The following ZNF215 variants were observed in gnomAD, a reference collection of about 807,000 sequenced individuals.
The protein encoded by ZNF215 is zinc finger protein 215, also known as BWSCR2-associated zinc finger protein 2.
In ZNF215, 24 loss-of-function variants were observed where a neutral mutation model predicts 27.2. The ratio of observed to expected loss-of-function variants is 0.88; its 90% confidence interval spans 0.64 to 1.24. The LOEUF (loss-of-function observed/expected upper bound fraction) is 1.24, where lower values mean the gene tolerates loss of function less well. Ranked by LOEUF, ZNF215 falls within the 50% of genes most tolerant of loss-of-function variation. ZNF215 has a pLI of 0.00. For missense variants in ZNF215, 675 were observed against 605.7 expected (o/e 1.11, Z -1.20); for synonymous variants, 210 against 204.0 (o/e 1.03, Z -0.25).
intron 3 of ZNF215, among the ~76,000 whole-genome samples, chr11:6,940,825 AT>A (rs1286431117): frequency 6.6e-6 from 1 of 152,216 alleles, no homozygotes; most frequent in African/African-American, 2.4e-5. Context: ...AATAATTAAC[AT>A]ATTAGAAGAC....
At position 6,956,677 on chromosome 11, in the gene ZNF215, G is replaced by C. The variant is rs1287974520; in HGVS notation, c.*146G>C. ...AAATGATATCACAGAATTAATGTTG[G>C]ATAGAAATATCATTGGATAGAAATC... On this transcript the variant is annotated 3_prime_UTR_variant, in exon 7 of 7. Coordinates refer to ENST00000278319, the MANE Select transcript of ZNF215 (RefSeq NM_013250.4). 7.9e-6 allele frequency: 11 copies of C among 1,392,666 alleles called. No individual in the cohort carries two copies. The highest frequency in any genetic ancestry group is 1.0e-5 in the Non-Finnish European group (11 of 1,081,902). The allele number at this position is 1,392,666 out of a possible 1,614,324, so 86.3% of individuals were successfully genotyped here.
chr11:6,961,145 G>A (rs1225935057), downstream of ZNF215, among the ~76,000 whole-genome samples: 5 of 152,040 alleles, frequency 3.3e-5, no homozygotes, highest in South Asian at 2.1e-4. Flanking sequence ...TTGGTCCATC[G>A]TAGAATTTGC....
chr11:6,927,936 T>C (rs768251098), intron 2 of ZNF215, 129 bp downstream of exon 2: 15 of 152,264 alleles, frequency 9.9e-5, no homozygotes, highest in Non-Finnish European at 2.2e-4. Flanking sequence ...GGCTTTTCCA[T>C]TGCCTATCAG....
chr11:6,954,158 G>T (rs1850214360), intron 6 of ZNF215, among the ~76,000 whole-genome samples: 1 of 151,934 alleles, frequency 6.6e-6, no homozygotes, highest in African/African-American at 2.4e-5. Context: ...GGGAGTGCCT[G>T]CCAGTTAGGC....
At chr11:6,940,255 A>C (rs1024130567) in intron 3 of ZNF215, among the ~76,000 whole-genome samples, 1 of 151,712 alleles carries the variant, frequency 6.6e-6, no homozygotes, top group Non-Finnish European at 1.5e-5. Context: ...AAAAGTTAAC[A>C]GACCATAATA....
At chr11:6,936,097 T>C (rs979768853) in intron 3 of ZNF215, among the ~76,000 whole-genome samples, 2 of 151,818 alleles carry the variant, frequency 1.3e-5, no homozygotes, top group African/African-American at 4.8e-5. Flanking sequence ...ACCCTCCACC[T>C]GAAGGAACTA....
intron 3 of ZNF215, among the ~76,000 whole-genome samples, chr11:6,933,015 T>C (rs1013269674): frequency 6.6e-6 from 1 of 152,230 alleles, no homozygotes; most frequent in Non-Finnish European, 1.5e-5. Context: ...ATGATTGCTT[T>C]TGTGCTATGA....
chr11:6,943,725 T>G, intron 6 of ZNF215, 84 bp downstream of exon 6: 2 of 1,100,722 alleles, frequency 1.8e-6, no homozygotes, highest in Non-Finnish European at 2.7e-6. Flanking sequence ...ATCTTTGAAT[T>G]GTTAGTTGGG....
intron 5 of ZNF215, among the ~76,000 whole-genome samples, chr11:6,977,721 G>A (rs1357289219): frequency 2.0e-5 from 3 of 151,920 alleles, no homozygotes; most frequent in African/African-American, 7.3e-5. Context: ...TTCCACAATT[G>A]TGAGGAAATA....
chr11:6,979,191 C>A (rs1487450014), intron 5 of ZNF215, among the ~76,000 whole-genome samples: 1 of 152,040 alleles, frequency 6.6e-6, no homozygotes, highest in African/African-American at 2.4e-5. Context: ...CTTTGTCCAA[C>A]TCTATGATAC....
At chr11:6,950,549 A>G (rs1236446176) in intron 6 of ZNF215, among the ~76,000 whole-genome samples, 1 of 151,460 alleles carries the variant, frequency 6.6e-6, no homozygotes. Context: ...TTATTGGTGT[A>G]TAAGAATGCT....
chr11:6,972,036 CAG>C (rs1057451902), intron 5 of ZNF215, among the ~76,000 whole-genome samples: 47 of 152,186 alleles, frequency 3.1e-4, no homozygotes, highest in Non-Finnish European at 6.0e-4. Context: ...CTGTACTACT[CAG>C]AGATGTGTTT....
intron 5 of ZNF215, among the ~76,000 whole-genome samples, chr11:6,977,317 T>A (rs1444081141): frequency 6.6e-6 from 1 of 152,168 alleles, no homozygotes; most frequent in East Asian, 1.9e-4. Flanking sequence ...ATGTGAATGA[T>A]CCCTTTGTCC....
chr11:6,926,711 G>C (rs1849054091), intron 1 of ZNF215, 26 bp downstream of exon 1: 1 of 152,338 alleles, frequency 6.6e-6, no homozygotes, highest in Non-Finnish European at 1.5e-5. Context: ...GGCCACTGGA[G>C]AGGAGCGGTG....
At chr11:6,949,754 A>G (rs893269220) in intron 6 of ZNF215, among the ~76,000 whole-genome samples, 10 of 152,186 alleles carry the variant, frequency 6.6e-5, no homozygotes, top group African/African-American at 2.4e-4. Flanking sequence ...CCATTTGTCA[A>G]TTTTGGCTTT....
intron 5 of ZNF215, among the ~76,000 whole-genome samples, chr11:6,975,295 C>T (rs1040992151): frequency 2.6e-5 from 4 of 151,832 alleles, no homozygotes; most frequent in African/African-American, 9.7e-5. Context: ...TTATGGGGTA[C>T]ATGAGATATT....
At chr11:6,934,251 T>C (rs185008684) in intron 3 of ZNF215, among the ~76,000 whole-genome samples, 251 of 152,296 alleles carry the variant, frequency 1.6e-3, no homozygotes, top group Admixed American at 3.1e-3. Flanking sequence ...TGTTCAACAA[T>C]GGTATAACAA....
intron 6 of ZNF215, among the ~76,000 whole-genome samples, chr11:6,952,663 A>C (rs367752248): frequency 2.9e-4 from 44 of 152,030 alleles, no homozygotes; most frequent in African/African-American, 1.0e-3. Flanking sequence ...AATACAGCAC[A>C]CTGATGGGTC....
chr11:6,951,708 A>T (rs1850077571), intron 6 of ZNF215, among the ~76,000 whole-genome samples: 2 of 151,948 alleles, frequency 1.3e-5, no homozygotes, highest in Admixed American at 6.6e-5. Context: ...TAATTTTTTG[A>T]AGGGTTTTTT....
Sources: gnomAD v4.1 joint callset for allele counts (sites outside exome capture counted in the v4.1 genomes callset) on GRCh38, gnomAD v4.1.1 for gene constraint, MANE v1.5 for transcripts, NCBI Gene and HGNC (gene_info 2026-07-23, HGNC 2026-07-21) for gene names.